PATJ: variants seen among roughly 807,000 people sequenced by gnomAD.
PATJ encodes PATJ crumbs cell polarity complex component, also known as inaD-like protein.
In PATJ, 190 loss-of-function variants were observed where a neutral mutation model predicts 224.9. The ratio of observed to expected loss-of-function variants is 0.84; its 90% CI spans 0.75 to 0.95. The LOEUF (loss-of-function observed/expected upper bound fraction) is 0.95, where lower values mean the gene tolerates loss of function less well. Among genes scored for constraint, PATJ ranks in the 40% least tolerant of loss-of-function variants. The pLI, the probability that PATJ is intolerant of heterozygous loss-of-function variation, is 0.00. For synonymous variants in PATJ, 769 were observed against 820.3 expected, an observed-to-expected ratio of 0.94 and a Z score of 1.07; for missense variants, 2,121 against 2,270.3, an observed-to-expected ratio of 0.93 and a Z score of 1.34.
In PATJ at chr1:62,161,059, C is replaced by A; in HGVS notation, c.*5C>A. ...ACCTTAACTGTGCTGTCATGAGCCT[C>A]GGGCCTGATCACAAGATAGATGTTG... On this transcript the variant is annotated 3_prime_UTR_variant, in exon 44 of 44. Transcript: ENST00000642238. The A allele has an allele frequency of 1.3e-6, 2 of 1,483,336 alleles. No individual in the cohort carries two copies. Among genetic ancestry groups the A allele is most frequent in the Admixed American group, 2.5e-5 (1 of 40,538 alleles). 91.9% of individuals were successfully genotyped at this position (1,483,336 alleles called of 1,614,324 possible).
At chr1:61,975,318 T>C (rs1368078967) in intron 27 of PATJ, among the ~76,000 whole-genome samples, 1 of 152,094 alleles carries the variant, frequency 6.6e-6, no homozygotes, top group Non-Finnish European at 1.5e-5. Context: ...TCTCCTGTTA[T>C]GTGATTGAAA....
chr1:61,899,523 G>T, intron 22 of PATJ, 60 bp from the exon 23 acceptor site: 3 of 1,121,616 alleles, frequency 2.7e-6, no homozygotes, highest in Non-Finnish European at 3.8e-6. Flanking sequence ...ACCTTCCAAG[G>T]ACCTTTAATA....
At chr1:62,132,012 C>G (rs974352918) in intron 41 of PATJ, among the ~76,000 whole-genome samples, 1 of 151,984 alleles carries the variant, frequency 6.6e-6, no homozygotes, top group Non-Finnish European at 1.5e-5. Context: ...CCATACCTGG[C>G]TAATTTTATA....
intron 4 of PATJ, among the ~76,000 whole-genome samples, chr1:61,766,928 A>C (rs924275500): frequency 6.6e-6 from 1 of 152,140 alleles, no homozygotes; most frequent in African/African-American, 2.4e-5. Context: ...CCCTGTCTCT[A>C]CTAAAAATAG....
intron 27 of PATJ, among the ~76,000 whole-genome samples, chr1:61,985,700 C>G (rs1644717877): frequency 6.6e-6 from 1 of 152,036 alleles, no homozygotes; most frequent in Non-Finnish European, 1.5e-5. Flanking sequence ...AGGGTCTTCT[C>G]CCTGCCTCAA....
chr1:61,969,166 T>C (rs1682592435), intron 27 of PATJ, among the ~76,000 whole-genome samples: 1 of 152,242 alleles, frequency 6.6e-6, no homozygotes, highest in African/African-American at 2.4e-5. Context: ...CTCTTGACTA[T>C]TGTGAATAGT....
chr1:61,760,141 G>T (rs1046221850), intron 1 of PATJ, among the ~76,000 whole-genome samples: 1 of 152,114 alleles, frequency 6.6e-6, no homozygotes, highest in South Asian at 2.1e-4. Flanking sequence ...CCTGTCACTG[G>T]GTAGTTGTAA....
At chr1:62,004,580 G>A (rs1645979774) in intron 28 of PATJ, among the ~76,000 whole-genome samples, 1 of 152,106 alleles carries the variant, frequency 6.6e-6, no homozygotes, top group African/African-American at 2.4e-5. Context: ...GATTCTAGAT[G>A]TGTTATGTTG....
At chr1:62,040,426 G>C (rs1325073251) in intron 30 of PATJ, among the ~76,000 whole-genome samples, 1 of 152,044 alleles carries the variant, frequency 6.6e-6, no homozygotes, top group Non-Finnish European at 1.5e-5. Flanking sequence ...GGCTGAGTAG[G>C]AAGTGGGGAA....
Position 61,864,306 on chromosome 1 carries a change from T to A in PATJ, c.2508T>A (p.Ser836=). The A allele has an allele frequency of 1.2e-6, 2 of 1,613,536 alleles. No individual in the cohort carries two copies. Among genetic ancestry groups the A allele is most frequent in the Non-Finnish European group, 1.7e-6 (2 of 1,179,410 alleles). ...VDEPFLDLGK[S]FHSQQKEIEQ... is the part of the protein sequence containing the mutation. The stretch of plus-strand genomic sequence containing the variant: ...AACCATTTCTAGATCTGGGAAAGTC[T>A]TTCCATTCCCAACAAAAAGAGATAG... Residue 836 remains serine, a synonymous_variant, in exon 20 of 44, where the codon TCT becomes TCA. Transcript: ENST00000642238.
In PATJ at chr1:61,853,967, A is replaced by G. The variant is rs577442338; in HGVS notation, c.2113-2063A>G. 3.3e-5 allele frequency among the ~76,000 whole-genome samples: 5 copies of G among 152,348 alleles called. No individual in the cohort carries two copies. In the East Asian group the frequency reaches 5.8e-4, roughly 18 times the overall value. On this transcript the variant is annotated intron_variant, in intron 17 of 43. Transcript: ENST00000642238. ...GGCAGGGTTAGTTGCAAAAAGCAAG[A>G]TAAGTTACATTTGAAGGCATTCTTC...
Position 62,108,666 on chromosome 1 carries a change from G to A in PATJ, c.4461+146G>A, listed in dbSNP as rs891198131. On this transcript the variant is annotated intron_variant, in intron 34 of 43. Coordinates refer to ENST00000642238, the MANE Select transcript of PATJ (RefSeq NM_001350145.3). ...ACTTATCATATTCTTTTTTTCTTCA[G>A]TGTACATTATACAGTGGTTTAGAAT... 1.6e-5 allele frequency: 8 copies of A among 499,066 alleles called. No homozygotes were observed. In the Admixed American group the frequency reaches 2.4e-4, roughly 15 times the overall value. The allele number at this position is 499,066 out of a possible 1,614,324, so 30.9% of individuals were successfully genotyped here.
chr1:62,122,838 G>C (rs943033871), intron 38 of PATJ, among the ~76,000 whole-genome samples, 183 bp from the exon 39 acceptor site: 1 of 150,590 alleles, frequency 6.6e-6, no homozygotes, highest in African/African-American at 2.4e-5. Context: ...AAAAAAAAAA[G>C]AGGACATGGC....
intron 14 of PATJ, among the ~76,000 whole-genome samples, chr1:61,818,533 C>T (rs1656622338): frequency 6.6e-6 from 1 of 152,178 alleles, no homozygotes; most frequent in Non-Finnish European, 1.5e-5. Context: ...ATTAAACAGT[C>T]CTGCTCCCGC....
At chr1:61,920,699 A>ATT (rs1187150331) in intron 26 of PATJ, among the ~76,000 whole-genome samples, 4 of 124,094 alleles carry the variant, frequency 3.2e-5, no homozygotes, top group Non-Finnish European at 3.4e-5. Flanking sequence ...CTTGTATGGA[A>ATT]TTCTTTTTTT....
intron 28 of PATJ, among the ~76,000 whole-genome samples, chr1:62,002,271 A>G (rs915254379): frequency 6.6e-6 from 1 of 152,162 alleles, no homozygotes; most frequent in Admixed American, 6.5e-5. Context: ...ACAAAAGTAC[A>G]GAAACACCAA....
chr1:62,098,383 A>G (rs116704274), intron 33 of PATJ, among the ~76,000 whole-genome samples: 3,064 of 151,318 alleles, frequency 0.02, 111 homozygotes, highest in African/African-American at 0.07. Flanking sequence ...AAAAGAAAAA[A>G]AAGAAGTTTG....
chr1:61,795,099 TAA>T (rs78496504), intron 9 of PATJ, among the ~76,000 whole-genome samples: 7 of 101,186 alleles, frequency 6.9e-5, no homozygotes, highest in Admixed American at 1.1e-4. Context: ...ATAGTGATGG[TAA>T]AAAAAAAAAA....
intron 29 of PATJ, among the ~76,000 whole-genome samples, chr1:62,032,654 C>T (rs764123054): frequency 7.2e-5 from 11 of 152,122 alleles, no homozygotes; most frequent in Non-Finnish European, 1.5e-4. Flanking sequence ...GTGTTTTCCA[C>T]AAACATAAAT....
Sources: gnomAD v4.1 joint callset for allele counts (sites outside exome capture counted in the v4.1 genomes callset) on GRCh38, gnomAD v4.1.1 for gene constraint, MANE v1.5 for transcripts, NCBI Gene and HGNC (gene_info 2026-07-23, HGNC 2026-07-21) for gene names.